The following PRKG1 variants were observed in gnomAD, a reference collection of about 807,000 sequenced individuals.
The protein encoded by PRKG1 is cGMP-dependent protein kinase 1.
Under a neutral mutation model 88.1 loss-of-function variants are expected in PRKG1, and 35 were observed. That is an observed-to-expected ratio of 0.40 (90% CI 0.30 to 0.53). The LOEUF is 0.53. Ranked by LOEUF, PRKG1 falls within the 20% of genes least tolerant of loss-of-function variation. The pLI is 0.59. For synonymous variants in PRKG1, 303 were observed against 292.5 expected, an observed-to-expected ratio of 1.04 and a Z score of -0.37; for missense variants, 540 against 839.8, an observed-to-expected ratio of 0.64 and a Z score of 4.41.
At chr10:51,284,865 C>CTTTTTTTTTTTTTTTTTTTTTATGTT (rs1840393822) in intron 2 of PRKG1, among the ~76,000 whole-genome samples, 1 of 51,698 alleles carries the variant, frequency 1.9e-5, no homozygotes, top group African/African-American at 7.2e-5. Flanking sequence ...GTTGTGGGTA[C>CTTTTTTTTTTTTTTTTTTTTTATGTT]TTTTTTTTTT....
At chr10:51,449,365 G>A (rs1839366042) in intron 2 of PRKG1, among the ~76,000 whole-genome samples, 1 of 151,608 alleles carries the variant, frequency 6.6e-6, no homozygotes, top group East Asian at 1.9e-4. Flanking sequence ...CGTGGGAAAT[G>A]TGAAGAACTT....
chr10:52,027,449 C>T (rs1018227658), intron 5 of PRKG1, among the ~76,000 whole-genome samples: 1 of 152,146 alleles, frequency 6.6e-6, no homozygotes, highest in African/African-American at 2.4e-5. Flanking sequence ...GAATCACTCA[C>T]CATGAGGCCT....
intron 3 of PRKG1, among the ~76,000 whole-genome samples, chr10:51,747,638 T>C (rs1837614386): frequency 6.6e-6 from 1 of 152,192 alleles, no homozygotes; most frequent in South Asian, 2.1e-4. Context: ...AGCACAGAAT[T>C]CTTTGATTTT....
chr10:51,907,072 A>G (rs1459501934), intron 4 of PRKG1, among the ~76,000 whole-genome samples: 2 of 152,170 alleles, frequency 1.3e-5, no homozygotes, highest in African/African-American at 4.8e-5. Context: ...GGGTATAATG[A>G]GGCATGTCCA....
At chr10:51,748,551 G>T (rs1335578091) in intron 3 of PRKG1, among the ~76,000 whole-genome samples, 3 of 152,176 alleles carry the variant, frequency 2.0e-5, no homozygotes, top group African/African-American at 7.2e-5. Context: ...GTATATGAGT[G>T]AATCTGAAAG....
intron 12 of PRKG1, among the ~76,000 whole-genome samples, chr10:52,275,848 T>C (rs1841860958): frequency 1.3e-5 from 2 of 152,168 alleles, no homozygotes; most frequent in Admixed American, 1.3e-4. Context: ...CTATGACTTC[T>C]TTCAGCAGTG....
At chr10:52,067,180 G>C (rs1205953203) in intron 7 of PRKG1, among the ~76,000 whole-genome samples, 1 of 152,036 alleles carries the variant, frequency 6.6e-6, no homozygotes, top group African/African-American at 2.4e-5. Context: ...TAATAGCTAT[G>C]CTTGTTTACA....
chr10:51,560,995 C>T (rs10998125), intron 3 of PRKG1, among the ~76,000 whole-genome samples: 22,628 of 151,554 alleles, frequency 0.15, 1,882 homozygotes, highest in African/African-American at 0.22. Flanking sequence ...GCCTGTAATC[C>T]TAGTGATTTG....
chr10:51,605,452 T>C (rs1838739500), intron 3 of PRKG1, among the ~76,000 whole-genome samples: 1 of 152,196 alleles, frequency 6.6e-6, no homozygotes, highest in Non-Finnish European at 1.5e-5. Flanking sequence ...CTTTCTGCCT[T>C]ATCCTGGGAA....
chr10:51,386,675 C>T (rs1167741108), intron 2 of PRKG1, among the ~76,000 whole-genome samples: 1 of 152,148 alleles, frequency 6.6e-6, no homozygotes, highest in Non-Finnish European at 1.5e-5. Flanking sequence ...CAATGTTAAT[C>T]TTATCCAGAA....
intron 3 of PRKG1, among the ~76,000 whole-genome samples, chr10:51,715,410 A>G (rs1841861552): frequency 6.6e-6 from 1 of 152,178 alleles, no homozygotes; most frequent in South Asian, 2.1e-4. Flanking sequence ...CTCTGGACAG[A>G]GAGCCCTGGA....
intron 2 of PRKG1, among the ~76,000 whole-genome samples, chr10:51,268,294 A>G (rs1839889926): frequency 6.6e-6 from 1 of 152,162 alleles, no homozygotes; most frequent in African/African-American, 2.4e-5. Flanking sequence ...ATCAGGAGAC[A>G]GGGTTTGAGA....
chr10:51,792,914 G>T (rs1239078882), intron 3 of PRKG1, among the ~76,000 whole-genome samples: 1 of 151,918 alleles, frequency 6.6e-6, no homozygotes, highest in Non-Finnish European at 1.5e-5. Context: ...GGGTAGTTCT[G>T]AGCTTTCTCA....
chr10:51,680,841 G>A (rs975050752), intron 3 of PRKG1, among the ~76,000 whole-genome samples: 1 of 152,154 alleles, frequency 6.6e-6, no homozygotes, highest in Admixed American at 6.6e-5. Context: ...TGGTTTTGCT[G>A]AATCCTCATT....
At chr10:51,091,564 A>G (rs1844398526) in intron 1 of PRKG1, among the ~76,000 whole-genome samples, 1 of 152,212 alleles carries the variant, frequency 6.6e-6, no homozygotes, top group African/African-American at 2.4e-5. Context: ...ATTTGGACCC[A>G]GGGCATTTGT....
chr10:51,443,433 C>T (rs1023863715), intron 2 of PRKG1, among the ~76,000 whole-genome samples: 6 of 151,962 alleles, frequency 3.9e-5, no homozygotes, highest in East Asian at 1.9e-4. Context: ...CATCTGAAGG[C>T]GTGCATTAAT....
chr10:51,504,494 C>T (rs1400179587), intron 3 of PRKG1, among the ~76,000 whole-genome samples: 1 of 152,002 alleles, frequency 6.6e-6, no homozygotes, highest in East Asian at 1.9e-4. Flanking sequence ...GTAGTTTTTT[C>T]CAATTCTGTG....
intron 5 of PRKG1, among the ~76,000 whole-genome samples, chr10:52,013,431 A>AAT (rs1554791690): frequency 1.1e-4 from 17 of 151,510 alleles, no homozygotes; most frequent in South Asian, 2.1e-4. Context: ...AAAAAAAAAA[A>AAT]AGAAAGATGG....
intron 7 of PRKG1, among the ~76,000 whole-genome samples, chr10:52,122,186 C>G (rs1169498612): frequency 6.6e-6 from 1 of 152,176 alleles, no homozygotes; most frequent in African/African-American, 2.4e-5. Context: ...AGCGTGTGCA[C>G]ACGTGCAAGA....
Sources: allele counts gnomAD v4.1 joint callset (sites outside exome capture counted in the v4.1 genomes callset), GRCh38; gene constraint gnomAD v4.1.1; transcripts MANE v1.5; gene names NCBI Gene and HGNC (gene_info 2026-07-23, HGNC 2026-07-21).